Variants in SPATA12 observed in about 807,000 individuals in gnomAD.
The protein encoded by SPATA12 is spermatogenesis-associated protein 12.
For missense variants in SPATA12, 219 were observed against 226.4 expected, an observed-to-expected ratio of 0.97 and a Z score of 0.21; for synonymous variants, 85 against 89.2, an observed-to-expected ratio of 0.95 and a Z score of 0.26.
At chr3:57,069,453 A>G (rs984669094) in intron 1 of SPATA12, among the ~76,000 whole-genome samples, 1 of 151,826 alleles carries the variant, frequency 6.6e-6, no homozygotes, top group Non-Finnish European at 1.5e-5. Flanking sequence ...AGATGAGTTG[A>G]GGTATGAATG....
At chr3:57,072,506 C>T (rs375546707) in intron 1 of SPATA12, among the ~76,000 whole-genome samples, 20 of 151,354 alleles carry the variant, frequency 1.3e-4, no homozygotes, top group East Asian at 3.9e-4. Flanking sequence ...TTCAGGAGGC[C>T]GAGGTGGGAG....
At chr3:57,070,246 G>C (rs748525462) in intron 1 of SPATA12, among the ~76,000 whole-genome samples, 5 of 152,196 alleles carry the variant, frequency 3.3e-5, no homozygotes, top group Admixed American at 3.3e-4. Context: ...CCCATCCTTA[G>C]CATGAAGGAA....
At position 57,074,199 on chromosome 3, in the gene SPATA12, A is replaced by C. The variant is rs141941762; in HGVS notation, c.505A>C (p.Thr169Pro). 6.2e-7 allele frequency: 1 copy of C among 1,613,976 alleles called. No homozygotes were observed. The highest frequency in any genetic ancestry group is 1.3e-5 in the African/African-American group (1 of 74,872). The stretch of plus-strand genomic sequence containing the variant: ...CAGCCGTTCAAACCAACTGACATTT[A>C]CTGAGGGCTGCTTTGTCAGGTCCCT... ...GCSRSNQLTFTEGCFVRSLST... is the reference protein window; with the variant it reads ...GCSRSNQLTFPEGCFVRSLST... Residue 169 changes from threonine (T) to proline (P), a missense_variant, in exon 2 of 2, where the codon ACT (threonine) becomes CCT (proline). Thr to Pro is a conservative substitution (Grantham distance 38). Coordinates refer to ENST00000334325, the MANE Select transcript of SPATA12 (RefSeq NM_181727.2).
intron 1 of SPATA12, among the ~76,000 whole-genome samples, chr3:57,062,968 T>A (rs1324226487): frequency 2.0e-5 from 3 of 152,010 alleles, no homozygotes; most frequent in Admixed American, 2.0e-4. Flanking sequence ...GATGACAAGA[T>A]AAATAAGCAA....
chr3:57,063,347 G>C (rs1309137028), intron 1 of SPATA12, among the ~76,000 whole-genome samples: 1 of 152,188 alleles, frequency 6.6e-6, no homozygotes, highest in African/African-American at 2.4e-5. Context: ...TGAGGGCTTT[G>C]AGCAGAGAAG....
At position 57,067,221 on chromosome 3, in the gene SPATA12, G is replaced by A. The variant is rs7621409; in HGVS notation, c.-329-6145G>A. 9.4e-3 allele frequency among the ~76,000 whole-genome samples: 1,430 copies of A among 152,182 alleles called. 26 individuals are homozygous for A. The highest frequency in any genetic ancestry group is 0.033 in the African/African-American group (1,358 of 41,522). ...AATCCCAGTACTTTGGGAGGCCAAG[G>A]CGGGTGGATCACAAGGTCAGGAGAT... On this transcript the variant is annotated intron_variant, in intron 1 of 1. Transcript: ENST00000334325.
chr3:57,061,122 G>A (rs988996149), intron 1 of SPATA12, among the ~76,000 whole-genome samples: 3 of 151,926 alleles, frequency 2.0e-5, no homozygotes, highest in Non-Finnish European at 2.9e-5. Context: ...CCCATTCAGC[G>A]GTAACTCCTC....
At chr3:57,066,555 G>A (rs913056578) in intron 1 of SPATA12, among the ~76,000 whole-genome samples, 1 of 152,178 alleles carries the variant, frequency 6.6e-6, no homozygotes, top group Non-Finnish European at 1.5e-5. Flanking sequence ...GAGCCACCGC[G>A]CCCAGGCTTT....
At chr3:57,069,035 C>T (rs1705728108) in intron 1 of SPATA12, among the ~76,000 whole-genome samples, 1 of 151,878 alleles carries the variant, frequency 6.6e-6, no homozygotes, top group African/African-American at 2.4e-5. Flanking sequence ...AATTCTCTGC[C>T]TCAGCCTCTC....
At chr3:57,060,928 A>G (rs1348123551) in intron 1 of SPATA12, 142 bp downstream of exon 1, 1 of 152,156 alleles carries the variant, frequency 6.6e-6, no homozygotes, top group Non-Finnish European at 1.5e-5. Flanking sequence ...ATAAAGAAAA[A>G]GTCCAGGAGA....
rs1706105954 is a variant in SPATA12, at chr3:57,074,326, A to G, written c.*59A>G. The G allele has an allele frequency of 4.1e-6, 6 of 1,464,512 alleles. No individual in the cohort carries two copies. The highest frequency in any genetic ancestry group is 1.2e-5 in the South Asian group (1 of 80,722). The allele number at this position is 1,464,512 out of a possible 1,614,324, so 90.7% of individuals were successfully genotyped here. ...CAGCTGTTTGTCTGGGCCTTTGCAC[A>G]TGCTATGCCCTCCCTTCCATCCCCC... On this transcript the variant is annotated 3_prime_UTR_variant, in exon 2 of 2. Coordinates refer to ENST00000334325, the MANE Select transcript of SPATA12 (RefSeq NM_181727.2).
chr3:57,074,204 G>C lies in SPATA12; in HGVS notation c.510G>C (p.Glu170Asp). Residue 170 changes from glutamate (E) to aspartate (D), a missense_variant, in exon 2 of 2, where the codon GAG becomes GAC. Glu to Asp is a conservative substitution (Grantham distance 45). Coordinates refer to ENST00000334325, the MANE Select transcript of SPATA12 (RefSeq NM_181727.2). ...GTTCAAACCAACTGACATTTACTGA[G>C]GGCTGCTTTGTCAGGTCCCTCTCTA... ...CSRSNQLTFT[E>D]GCFVRSLSTV... The C allele has an allele frequency of 6.2e-7, 1 of 1,614,080 alleles. No homozygotes were observed. The highest frequency in any genetic ancestry group is 2.2e-5 in the East Asian group (1 of 44,880).
rs1445298683 is a variant in SPATA12, at chr3:57,074,773, T to C, written c.*506T>C. 1 of 178,024 alleles carries C rather than the reference T, an allele frequency of 5.6e-6. No individual in the cohort carries two copies. Among genetic ancestry groups the C allele is most frequent in the Non-Finnish European group, 1.3e-5 (1 of 74,284 alleles). 11.0% of individuals were successfully genotyped at this position (178,024 alleles called of 1,614,324 possible). On this transcript the variant is annotated 3_prime_UTR_variant, in exon 2 of 2. Transcript: ENST00000334325. ...AGGGTAGGTGCAGTGGAGCAAGTCT[T>C]ACAATGTGCAGGATTATAACTCCAG... is the stretch of plus-strand genomic sequence containing the variant.
chr3:57,063,959 C>T (rs7355968), intron 1 of SPATA12, among the ~76,000 whole-genome samples: 9,258 of 152,254 alleles, frequency 0.061, 916 homozygotes, highest in African/African-American at 0.21. Flanking sequence ...GAATAATATT[C>T]TGCCTTAAAA....
rs1460573019 is a variant in SPATA12 at position 57,074,112 on chromosome 3, A to G, written c.418A>G (p.Thr140Ala). ...TATGGAAGATGGGGATAATGAGAGG[A>G]CCACAGGATGGTTGTGGAGACTGTG... Reference protein sequence around the residue: ...LGMEDGDNERTTGWLWRLCED... With the variant: ...LGMEDGDNERATGWLWRLCED... The change falls in exon 2 of 2, where the codon ACC (threonine) becomes GCC (alanine). Residue 140 changes from threonine to alanine, a missense_variant. Transcript: ENST00000334325. 6.2e-7 allele frequency: 1 copy of G among 1,613,686 alleles called. No homozygotes were observed. Among genetic ancestry groups the G allele is most frequent in the Non-Finnish European group, 8.5e-7 (1 of 1,179,578 alleles).
chr3:57,070,905 G>A (rs561796554), intron 1 of SPATA12, among the ~76,000 whole-genome samples: 2 of 149,816 alleles, frequency 1.3e-5, no homozygotes, highest in Non-Finnish European at 3.0e-5. Context: ...CCAGGAGGTC[G>A]AGGCTACAGT....
chr3:57,067,748 G>A (rs1056841457), intron 1 of SPATA12, among the ~76,000 whole-genome samples: 9 of 150,950 alleles, frequency 6.0e-5, no homozygotes, highest in East Asian at 5.9e-4. Flanking sequence ...TTGAGAGGCC[G>A]AGGCGGGCGG....
intron 1 of SPATA12, among the ~76,000 whole-genome samples, chr3:57,068,945 C>T (rs1166232609): frequency 1.3e-5 from 2 of 149,228 alleles, no homozygotes; most frequent in African/African-American, 2.5e-5. Flanking sequence ...TTTCTGAGAC[C>T]GAGTCTCGCT....
At chr3:57,072,238 T>A (rs1462329393) in intron 1 of SPATA12, among the ~76,000 whole-genome samples, 2 of 152,198 alleles carry the variant, frequency 1.3e-5, no homozygotes, top group African/African-American at 4.8e-5. Flanking sequence ...AGAGTTACCA[T>A]ATACCTAGCA....
Sources: allele counts gnomAD v4.1 joint callset (sites outside exome capture counted in the v4.1 genomes callset), GRCh38; gene constraint gnomAD v4.1.1; transcripts MANE v1.5; gene names NCBI Gene and HGNC (gene_info 2026-07-23, HGNC 2026-07-21).